Variants in NCKAP1 observed in about 807,000 individuals in gnomAD.
NCKAP1 encodes the protein NCK associated protein 1, also known as nck-associated protein 1.
A neutral mutation model predicts 151.2 loss-of-function variants in NCKAP1; 21 were observed. That is an observed-to-expected ratio of 0.14 (90% CI 0.10 to 0.20). The LOEUF is 0.20. Among genes scored for constraint, NCKAP1 ranks in the 10% least tolerant of loss-of-function variants. The probability of loss-of-function intolerance (pLI) is 1.00; values close to 1 mark genes in which losing one functional copy is unlikely to be tolerated. For synonymous variants in NCKAP1, 484 were observed against 451.8 expected (o/e 1.07, Z -0.90); for missense variants, 933 against 1,352.1 (o/e 0.69, Z 4.86).
At chr2:183,022,194 G>A (rs903825607) in intron 2 of NCKAP1, among the ~76,000 whole-genome samples, 2 of 152,102 alleles carry the variant, frequency 1.3e-5, no homozygotes, top group African/African-American at 4.8e-5. Flanking sequence ...TCACATATAA[G>A]TTTACACACA....
chr2:182,929,043 G>T (rs1696706377), intron 27 of NCKAP1, 144 bp from the exon 28 acceptor site: 1 of 566,010 alleles, frequency 1.8e-6, no homozygotes, highest in African/African-American at 1.9e-5. Flanking sequence ...GCATTCTATA[G>T]AATTGGTCAC....
intron 1 of NCKAP1, among the ~76,000 whole-genome samples, chr2:183,027,001 CT>C (rs1698910241): frequency 6.6e-6 from 1 of 152,122 alleles, no homozygotes; most frequent in Non-Finnish European, 1.5e-5. Flanking sequence ...ATACAATCCC[CT>C]CTCTCAATCA....
At chr2:182,928,259 C>A in intron 28 of NCKAP1, 33 bp from the exon 29 acceptor site, 1 of 1,422,876 alleles carries the variant, frequency 7.0e-7, no homozygotes, top group African/African-American at 1.4e-5. Flanking sequence ...GTGTAGACCC[C>A]AAAATAGCAA....
chr2:182,926,927 A>C, intron 29 of NCKAP1, 22 bp from the exon 30 acceptor site: 1 of 1,495,202 alleles, frequency 6.7e-7, no homozygotes, highest in East Asian at 2.3e-5. Flanking sequence ...ACATACACAT[A>C]AAGTGAGTTT....
At chr2:183,027,948 C>T (rs917204620) in intron 1 of NCKAP1, among the ~76,000 whole-genome samples, 6 of 152,074 alleles carry the variant, frequency 3.9e-5, no homozygotes, top group Non-Finnish European at 7.4e-5. Context: ...AAGTTATCAC[C>T]TTTTGAAGTA....
chr2:182,954,730 G>A (rs1210123435), intron 20 of NCKAP1, among the ~76,000 whole-genome samples: 1 of 152,084 alleles, frequency 6.6e-6, no homozygotes, highest in African/African-American at 2.4e-5. Context: ...AGGTTGCAGT[G>A]AGCTGAGATT....
rs1699148609 is a variant in NCKAP1, at chr2:183,038,293, T to C, written c.-194A>G. 5.3e-6 allele frequency: 2 copies of C among 375,584 alleles called. No individual in the cohort carries two copies. Among genetic ancestry groups the C allele is most frequent in the Non-Finnish European group, 4.7e-6 (1 of 212,706 alleles). 23.3% of individuals were successfully genotyped at this position (375,584 alleles called of 1,614,324 possible). A position where few individuals can be genotyped will look rare whatever the true frequency, so the allele number is the denominator to read the frequency against. On this transcript the variant is annotated 5_prime_UTR_variant, in exon 1 of 31. Transcript: ENST00000361354. ...CCGCGGCGGACTCCTCGGAGCCCCT[T>C]CTCCCGCAGCAGCCCGCGCCCCGGC...
intron 6 of NCKAP1, 128 bp downstream of exon 6, chr2:183,001,825 C>T: frequency 7.0e-6 from 5 of 718,008 alleles, no homozygotes; most frequent in Non-Finnish European, 1.2e-5. Context: ...TAGATAAAAG[C>T]ACACATAACT....
chr2:182,953,472 T>C (rs1697259762), intron 20 of NCKAP1, 141 bp from the exon 21 acceptor site: 1 of 607,494 alleles, frequency 1.6e-6, no homozygotes. Context: ...GCTGTAAAAT[T>C]ACTGTCATTA....
intron 10 of NCKAP1, among the ~76,000 whole-genome samples, chr2:182,983,839 C>A (rs1697991870): frequency 6.6e-6 from 1 of 152,114 alleles, no homozygotes; most frequent in Non-Finnish European, 1.5e-5. Context: ...TCGAGACCAG[C>A]CTGGGCAACA....
At chr2:182,995,978 C>T in intron 6 of NCKAP1, 140 bp from the exon 7 acceptor site, 1 of 751,256 alleles carries the variant, frequency 1.3e-6, no homozygotes, top group Admixed American at 2.6e-5. Context: ...CTTATAATAT[C>T]TGAGTTGGGT....
At chr2:183,009,421 G>GGGAAGGAA (rs1168445882) in intron 2 of NCKAP1, among the ~76,000 whole-genome samples, 1,732 of 82,508 alleles carry the variant, frequency 0.021, 40 homozygotes, top group East Asian at 0.032. Context: ...AAAGAGGGAA[G>GGGAAGGAA]GGAAGGAAGG....
intron 23 of NCKAP1, among the ~76,000 whole-genome samples, chr2:182,942,927 A>C (rs1358216692): frequency 6.6e-6 from 1 of 152,170 alleles, no homozygotes; most frequent in African/African-American, 2.4e-5. Flanking sequence ...CAACAAAGAG[A>C]GAAGTGAGAG....
At chr2:182,957,176 T>G (rs957021741) in intron 19 of NCKAP1, 1 of 260,392 alleles carries the variant, frequency 3.8e-6, no homozygotes, top group Non-Finnish European at 7.1e-6. Context: ...TTGCTTATAA[T>G]GTAACACACA....
intron 2 of NCKAP1, among the ~76,000 whole-genome samples, chr2:183,018,345 T>C (rs1192874568): frequency 1.3e-5 from 2 of 152,224 alleles, no homozygotes; most frequent in Non-Finnish European, 2.9e-5. Context: ...ACTCAAATTC[T>C]GGTTTACTGA....
chr2:183,021,544 G>A (rs899742046), intron 2 of NCKAP1, among the ~76,000 whole-genome samples: 7 of 152,202 alleles, frequency 4.6e-5, no homozygotes, highest in Non-Finnish European at 1.0e-4. Flanking sequence ...CTAGGAGTTC[G>A]GTGTTACAGT....
intron 11 of NCKAP1, 22 bp downstream of exon 11, chr2:182,983,264 A>G: frequency 6.6e-7 from 1 of 1,505,582 alleles, no homozygotes; most frequent in Non-Finnish European, 9.1e-7. Context: ...ACAATTATTG[A>G]AATAATAATT....
rs1481321890 is a variant in NCKAP1, at chr2:182,921,413, C to T, written c.*4289G>A. On this transcript the variant is annotated 3_prime_UTR_variant, in exon 31 of 31. Coordinates refer to ENST00000361354, the MANE Select transcript of NCKAP1 (RefSeq NM_013436.5). ...TGTATGTAGTGTACTATGAATGTGA[C>T]TCAGCCATATACTACAACTGAGACA... is the stretch of plus-strand genomic sequence containing the variant. 1 of 152,152 alleles carries T rather than the reference C, an allele frequency of 6.6e-6. No homozygotes were observed. The highest frequency in any genetic ancestry group is 1.5e-5 in the Non-Finnish European group (1 of 68,028). The allele number at this position is 152,152 out of a possible 1,614,324, so 9.4% of individuals were successfully genotyped here.
At chr2:183,011,334 C>A (rs959148379) in intron 2 of NCKAP1, among the ~76,000 whole-genome samples, 5 of 152,138 alleles carry the variant, frequency 3.3e-5, no homozygotes, top group Admixed American at 3.3e-4. Context: ...GAAATTTACC[C>A]ATAAGTGAAA....
Sources: allele counts gnomAD v4.1 joint callset (sites outside exome capture counted in the v4.1 genomes callset), GRCh38; gene constraint gnomAD v4.1.1; transcripts MANE v1.5; gene names NCBI Gene and HGNC (gene_info 2026-07-23, HGNC 2026-07-21).